The following RAB27B variants were observed in gnomAD, a reference collection of about 807,000 sequenced individuals.
The protein encoded by RAB27B is RAB27B, member RAS oncogene family, also known as ras-related protein Rab-27B.
RAB27B carries 15 observed loss-of-function variants against 24.6 expected under a neutral mutation model. The ratio of observed to expected loss-of-function variants is 0.61; its 90% CI spans 0.41 to 0.94. The LOEUF is 0.94. Among genes scored for constraint, RAB27B ranks in the 40% least tolerant of loss-of-function variants. The pLI, the probability that RAB27B is intolerant of heterozygous loss-of-function variation, is 0.00. For missense variants in RAB27B, 261 were observed against 266.8 expected, an observed-to-expected ratio of 0.98 and a Z score of 0.15; for synonymous variants, 105 against 92.5, an observed-to-expected ratio of 1.14 and a Z score of -0.78.
At chr18:54,780,927 T>C (rs549312629) in intron 2 of RAB27B, among the ~76,000 whole-genome samples, 122 of 152,290 alleles carry the variant, frequency 8.0e-4, no homozygotes, top group African/African-American at 2.7e-3. Flanking sequence ...TCATTAGTAG[T>C]GTTCTACATA....
chr18:54,845,236 G>A (rs1418138389), intron 1 of RAB27B, among the ~76,000 whole-genome samples: 3 of 151,662 alleles, frequency 2.0e-5, no homozygotes, highest in Admixed American at 6.6e-5. Flanking sequence ...GTGAAACCCC[G>A]TGTCTACTAA....
At chr18:54,818,441 T>C (rs922504243) in intron 2 of RAB27B, among the ~76,000 whole-genome samples, 3 of 152,198 alleles carry the variant, frequency 2.0e-5, no homozygotes, top group Non-Finnish European at 2.9e-5. Flanking sequence ...TTTATCACTT[T>C]GCTTATACAA....
chr18:54,795,156 C>T (rs1568068563), intron 2 of RAB27B, among the ~76,000 whole-genome samples: 2 of 152,166 alleles, frequency 1.3e-5, no homozygotes, highest in Non-Finnish European at 2.9e-5. Flanking sequence ...ACCACAATGC[C>T]ATCCACTGTC....
In RAB27B at chr18:54,891,719, T is replaced by C. The variant is rs1226890242; in HGVS notation, c.*2306T>C. ...TTTACTTATGCCAAGATTCTGTCAC[T>C]GTCAGTTATTTAATGAGTGTTTTTT... On this transcript the variant is annotated 3_prime_UTR_variant, in exon 6 of 6. Coordinates refer to ENST00000262094, the MANE Select transcript of RAB27B (RefSeq NM_004163.4). The C allele has an allele frequency of 2.0e-5, 3 of 152,150 alleles. No homozygotes were observed. The highest frequency in any genetic ancestry group is 4.4e-5 in the Non-Finnish European group (3 of 68,020). 9.4% of individuals were successfully genotyped at this position (152,150 alleles called of 1,614,324 possible). A position where few individuals can be genotyped will look rare whatever the true frequency, so the allele number is the denominator to read the frequency against.
intron 1 of RAB27B, among the ~76,000 whole-genome samples, chr18:54,844,719 ACTT>A (rs1911259969): frequency 6.6e-6 from 1 of 151,998 alleles, no homozygotes; most frequent in African/African-American, 2.4e-5. Context: ...ATTTAGGTCT[ACTT>A]CTTACAAAAT....
intron 2 of RAB27B, among the ~76,000 whole-genome samples, chr18:54,789,814 A>G (rs1909194253): frequency 6.6e-6 from 1 of 152,128 alleles, no homozygotes; most frequent in Non-Finnish European, 1.5e-5. Flanking sequence ...GTTAAATACA[A>G]TAAAGCAATC....
intron 2 of RAB27B, among the ~76,000 whole-genome samples, chr18:54,733,660 C>CCG (rs536292934): frequency 5.0e-5 from 7 of 139,288 alleles, no homozygotes; most frequent in African/African-American, 1.3e-4. Flanking sequence ...GCCCCCCCCC[C>CCG]CCAAATTTGC....
intron 2 of RAB27B, among the ~76,000 whole-genome samples, chr18:54,794,099 A>G (rs983115036): frequency 6.6e-6 from 1 of 152,186 alleles, no homozygotes; most frequent in Non-Finnish European, 1.5e-5. Flanking sequence ...CTAGGTGTGT[A>G]AGAAGTTTGA....
intron 1 of RAB27B, among the ~76,000 whole-genome samples, chr18:54,853,627 G>A (rs531749648): frequency 1.1e-4 from 17 of 152,168 alleles, no homozygotes; most frequent in African/African-American, 3.4e-4. Flanking sequence ...CCTATTAATC[G>A]GTATGAAGTT....
intron 4 of RAB27B, among the ~76,000 whole-genome samples, chr18:54,886,079 T>C (rs963817279): frequency 1.3e-5 from 2 of 152,076 alleles, no homozygotes; most frequent in African/African-American, 4.8e-5. Context: ...GGGGATTACA[T>C]TTCAACGTTG....
intron 2 of RAB27B, among the ~76,000 whole-genome samples, chr18:54,764,111 G>A (rs141234954): frequency 2.0e-5 from 3 of 152,220 alleles, no homozygotes; most frequent in East Asian, 3.9e-4. Flanking sequence ...ATTTACTGCA[G>A]CTTGTTTATG....
intron 1 of RAB27B, among the ~76,000 whole-genome samples, chr18:54,849,755 G>A (rs1041805111): frequency 6.6e-6 from 1 of 151,832 alleles, no homozygotes; most frequent in Admixed American, 6.6e-5. Flanking sequence ...AAATCACTAG[G>A]GGATATATAG....
intron 1 of RAB27B, among the ~76,000 whole-genome samples, chr18:54,846,595 T>C (rs1339760101): frequency 6.6e-6 from 1 of 152,182 alleles, no homozygotes; most frequent in Non-Finnish European, 1.5e-5. Flanking sequence ...CAGAGAACCT[T>C]TGATACCTAC....
intron 1 of RAB27B, among the ~76,000 whole-genome samples, chr18:54,834,005 TG>T (rs1203150101): frequency 6.6e-6 from 1 of 152,218 alleles, no homozygotes; most frequent in Non-Finnish European, 1.5e-5. Flanking sequence ...TGACTTCTAC[TG>T]GGAGGTTGAA....
intron 2 of RAB27B, among the ~76,000 whole-genome samples, chr18:54,811,003 T>C (rs1225809046): frequency 6.6e-6 from 1 of 152,084 alleles, no homozygotes. Context: ...TCCATTATTA[T>C]TGGTTCTCGA....
chr18:54,859,486 C>T (rs202091090), intron 1 of RAB27B, among the ~76,000 whole-genome samples: 14 of 141,162 alleles, frequency 9.9e-5, no homozygotes, highest in African/African-American at 3.6e-4. Flanking sequence ...TTCAATTAAC[C>T]AAAAAAAAAA....
rs375641362 is a variant in RAB27B, at chr18:54,737,363, T to G, written c.-20+19222T>G. On this transcript the variant is annotated intron_variant, in intron 2 of 4. Transcript: ENST00000586570. ...TTTATTGCCAAAAGTAACTCAACCT[T>G]TATTTATAGTTTCAGTTATAGGCCA... Among the ~76,000 whole-genome samples, 157 of 152,328 alleles carry G rather than the reference T, an allele frequency of 1.0e-3. 4 individuals carry two copies. The South Asian group carries it at 0.028, about 27-fold the overall frequency.
chr18:54,867,880 C>T (rs1278085186), intron 1 of RAB27B, among the ~76,000 whole-genome samples: 2 of 152,146 alleles, frequency 1.3e-5, no homozygotes, highest in Admixed American at 6.5e-5. Context: ...CCTCTCTCAC[C>T]ACCTCAAACC....
At chr18:54,767,071 A>G (rs994618447) in intron 2 of RAB27B, among the ~76,000 whole-genome samples, 1 of 152,174 alleles carries the variant, frequency 6.6e-6, no homozygotes, top group Non-Finnish European at 1.5e-5. Flanking sequence ...CTAAACACAT[A>G]GGGAAGAAGG....
Sources: gnomAD v4.1 joint callset for allele counts (sites outside exome capture counted in the v4.1 genomes callset) on GRCh38, gnomAD v4.1.1 for gene constraint, MANE v1.5 for transcripts, NCBI Gene and HGNC (gene_info 2026-07-23, HGNC 2026-07-21) for gene names.